PTPRT: variants seen among roughly 807,000 people sequenced by gnomAD.
PTPRT encodes protein tyrosine phosphatase receptor type T.
PTPRT carries 56 observed loss-of-function variants against 176.8 expected under a neutral mutation model. The ratio of observed to expected loss-of-function variants is 0.32; its 90% confidence interval spans 0.26 to 0.40. The LOEUF is 0.40. Ranked by LOEUF, PTPRT falls within the 10% of genes least tolerant of loss-of-function variation. The probability of loss-of-function intolerance (pLI) is 1.00; values close to 1 mark genes in which losing one functional copy is unlikely to be tolerated. For synonymous variants in PTPRT, 783 were observed against 739.0 expected (o/e 1.06, Z -0.96); for missense variants, 1,540 against 1,908.2 (o/e 0.81, Z 3.60).
intron 1 of PTPRT, among the ~76,000 whole-genome samples, chr20:42,900,782 C>T (rs1027147194): frequency 1.3e-5 from 2 of 152,216 alleles, no homozygotes; most frequent in South Asian, 2.1e-4. Context: ...TAAAACCCCT[C>T]GTGGCCTTTG....
chr20:42,567,422 T>C (rs2073060819), intron 7 of PTPRT, among the ~76,000 whole-genome samples: 1 of 152,210 alleles, frequency 6.6e-6, no homozygotes, highest in Non-Finnish European at 1.5e-5. Context: ...GTAAAGCTCC[T>C]AGTCACATTT....
At chr20:42,916,095 T>C (rs1340100994) in intron 1 of PTPRT, among the ~76,000 whole-genome samples, 2 of 151,824 alleles carry the variant, frequency 1.3e-5, no homozygotes, top group Non-Finnish European at 2.9e-5. Flanking sequence ...GGTATATCTT[T>C]TAATGCTATC....
chr20:42,979,823 T>C (rs1983167124), intron 1 of PTPRT, among the ~76,000 whole-genome samples: 1 of 152,088 alleles, frequency 6.6e-6, no homozygotes, highest in Non-Finnish European at 1.5e-5. Context: ...CAGGTAGGTT[T>C]TGTCCCAAAA....
chr20:42,074,138 C>T lies in PTPRT; in HGVS notation c.*6741G>A, dbSNP rs1418449938. 1.3e-5 allele frequency: 3 copies of T among 228,148 alleles called. No homozygotes were observed. The highest frequency in any genetic ancestry group is 2.6e-5 in the Non-Finnish European group (3 of 114,926). The allele number at this position is 228,148 out of a possible 1,614,324, so 14.1% of individuals were successfully genotyped here. On this transcript the variant is annotated 3_prime_UTR_variant, in exon 31 of 31. Coordinates refer to ENST00000373187, the MANE Select transcript of PTPRT (RefSeq NM_007050.6). ...AGCCTAACTTTACATGGAATGACAC[C>T]ACTCTGCCCTCTAAGCCTCCAGACT...
At chr20:42,555,359 C>A (rs2072841606) in intron 7 of PTPRT, among the ~76,000 whole-genome samples, 1 of 152,158 alleles carries the variant, frequency 6.6e-6, no homozygotes, top group Non-Finnish European at 1.5e-5. Flanking sequence ...ATGGAGCTGA[C>A]AGTCTAGGGC....
At position 42,104,639 on chromosome 20, in the gene PTPRT, C is replaced by T. The variant is rs201275244; in HGVS notation, c.3470G>A (p.Arg1157His). ...CCTGCTGATATTGTAGTAGAGAGAA[C>T]GGAACTCACACACAGGGATGGCAGT... Reference protein sequence around the residue: ...GNTAIPVCEFRSLYYNISRLD... With the variant: ...GNTAIPVCEFHSLYYNISRLD... The change falls in exon 25 of 31, where the codon CGT becomes CAT. Residue 1157 changes from arginine to histidine, a missense_variant. This residue lies in a region of PTPRT where 342 missense variants were observed against 394.0 expected (regional missense o/e 0.87). Transcript: ENST00000373187. The T allele has an allele frequency of 1.2e-4, 185 of 1,604,836 alleles. No homozygotes were observed. The highest frequency in any genetic ancestry group is 2.8e-4 in the South Asian group (25 of 90,904).
At chr20:42,442,221 T>G (rs1167603217) in intron 9 of PTPRT, among the ~76,000 whole-genome samples, 2 of 152,218 alleles carry the variant, frequency 1.3e-5, no homozygotes, top group African/African-American at 2.4e-5. Flanking sequence ...CAGGCTTTCG[T>G]TCTGTTCAGA....
At chr20:42,319,132 T>A (rs1437778614) in intron 11 of PTPRT, among the ~76,000 whole-genome samples, 1 of 152,156 alleles carries the variant, frequency 6.6e-6, no homozygotes, top group Non-Finnish European at 1.5e-5. Flanking sequence ...GATCCACTTG[T>A]CAATTCAACC....
chr20:42,630,827 G>A (rs140449037), intron 7 of PTPRT, among the ~76,000 whole-genome samples: 26 of 152,218 alleles, frequency 1.7e-4, no homozygotes, highest in African/African-American at 6.0e-4. Flanking sequence ...TATCAAGAGC[G>A]TTGCTCTTGG....
chr20:43,178,624 G>C, intron 1 of PTPRT, among the ~76,000 whole-genome samples: 1 of 152,182 alleles, frequency 6.6e-6, no homozygotes, highest in Non-Finnish European at 1.5e-5. Context: ...TGAGCTCAAA[G>C]CTGCAACAGC....
Position 42,573,906 on chromosome 20 carries a change from G to A in PTPRT, c.1154-101344C>T, listed in dbSNP as rs764503441. ...TGGGATTACAGGCCCGTGCCACCAC[G>A]CCCGGTTAATTTTTTGTATTTTTAG... On this transcript the variant is annotated intron_variant, in intron 7 of 30. Coordinates refer to ENST00000373187, the MANE Select transcript of PTPRT (RefSeq NM_007050.6). Among the ~76,000 whole-genome samples the A allele has an allele frequency of 2.6e-5, 4 of 151,746 alleles. 1 individual carries two copies. Among genetic ancestry groups the A allele is most frequent in the Non-Finnish European group, 4.4e-5 (3 of 67,914 alleles).
chr20:42,801,849 TG>T (rs1224131771), intron 2 of PTPRT, among the ~76,000 whole-genome samples: 2 of 152,038 alleles, frequency 1.3e-5, no homozygotes, highest in Non-Finnish European at 1.5e-5. Context: ...TTCTGCCTTG[TG>T]GGGGGGCTAA....
At chr20:42,804,859 C>T (rs2077582509) in intron 2 of PTPRT, among the ~76,000 whole-genome samples, 1 of 152,304 alleles carries the variant, frequency 6.6e-6, no homozygotes, top group East Asian at 1.9e-4. Context: ...GGAAAAAACA[C>T]CAGTCACATC....
chr20:42,683,372 G>C (rs1312136514), intron 6 of PTPRT, among the ~76,000 whole-genome samples: 1 of 152,032 alleles, frequency 6.6e-6, no homozygotes, highest in African/African-American at 2.4e-5. Flanking sequence ...CCAACTCTTG[G>C]GTTCAAGCGA....
At chr20:42,246,204 G>T (rs370638536) in intron 14 of PTPRT, among the ~76,000 whole-genome samples, 1 of 152,020 alleles carries the variant, frequency 6.6e-6, no homozygotes, top group Non-Finnish European at 1.5e-5. Flanking sequence ...ACAGAATTTC[G>T]CTTTCCTTTG....
intron 9 of PTPRT, among the ~76,000 whole-genome samples, chr20:42,355,713 C>A (rs2058349439): frequency 6.6e-6 from 1 of 152,118 alleles, no homozygotes; most frequent in Non-Finnish European, 1.5e-5. Context: ...CCCCAGTGCA[C>A]CAGTGGAGAG....
rs566534642 is a variant in PTPRT at position 42,557,753 on chromosome 20, T to C, written c.1154-85191A>G. On this transcript the variant is annotated intron_variant, in intron 7 of 30. Transcript: ENST00000373187. ...GAAGAAAATGGTTGAGTTTCCTATGTAGAGAAAAACTGGAAATGTGTACCT... is the reference window on the plus strand; with the variant it reads ...GAAGAAAATGGTTGAGTTTCCTATGCAGAGAAAAACTGGAAATGTGTACCT... Among the ~76,000 whole-genome samples the C allele has an allele frequency of 4.6e-5, 7 of 152,238 alleles. No homozygotes were observed. In the East Asian group the frequency reaches 9.7e-4, roughly 21 times the overall value.
chr20:42,662,730 C>T (rs1289763917), intron 7 of PTPRT, among the ~76,000 whole-genome samples: 1 of 152,112 alleles, frequency 6.6e-6, no homozygotes, highest in Admixed American at 6.6e-5. Flanking sequence ...TTAACTGTCC[C>T]TTACTCTATT....
chr20:42,806,918 A>G (rs1007163729), intron 2 of PTPRT, among the ~76,000 whole-genome samples: 4 of 152,216 alleles, frequency 2.6e-5, no homozygotes, highest in African/African-American at 9.6e-5. Context: ...CTATGAACAG[A>G]TGGTGTACAT....
Sources: allele counts gnomAD v4.1 joint callset (sites outside exome capture counted in the v4.1 genomes callset), GRCh38; gene constraint gnomAD v4.1.1; regional missense constraint gnomAD v4.1.1; transcripts MANE v1.5; gene names NCBI Gene and HGNC (gene_info 2026-07-23, HGNC 2026-07-21).